Variants in DNAH11 observed in about 807,000 individuals in gnomAD.
DNAH11 encodes the protein axonemal beta dynein heavy chain 11.
DNAH11 carries 442 observed loss-of-function variants against 526.0 expected under a neutral mutation model. The ratio of observed to expected loss-of-function variants is 0.84; its 90% CI spans 0.78 to 0.91. The LOEUF is 0.91. DNAH11 is among the 40% of genes least tolerant of loss of function. The pLI is 0.00. For synonymous variants in DNAH11, 2,461 were observed against 1,935.9 expected, an observed-to-expected ratio of 1.27 and a Z score of -7.12; for missense variants, 6,989 against 5,448.7, an observed-to-expected ratio of 1.28 and a Z score of -8.90.
chr7:21,766,825 T>G (rs933376241), intron 55 of DNAH11, among the ~76,000 whole-genome samples: 1 of 152,150 alleles, frequency 6.6e-6, no homozygotes, highest in African/African-American at 2.4e-5. Flanking sequence ...AAATGTTTAT[T>G]AATCTAATTA....
intron 62 of DNAH11, among the ~76,000 whole-genome samples, chr7:21,805,868 G>A (rs909705917): frequency 1.3e-5 from 2 of 152,160 alleles, no homozygotes; most frequent in East Asian, 1.9e-4. Context: ...GACTAGAACA[G>A]GAGACAGTTA....
intron 55 of DNAH11, among the ~76,000 whole-genome samples, chr7:21,770,473 C>T (rs972510892): frequency 6.6e-6 from 1 of 152,124 alleles, no homozygotes; most frequent in South Asian, 2.1e-4. Context: ...TTCAGATTTT[C>T]AATTTTCAGA....
At chr7:21,721,256 A>C (rs1478203448) in intron 44 of DNAH11, among the ~76,000 whole-genome samples, 1 of 152,160 alleles carries the variant, frequency 6.6e-6, no homozygotes, top group African/African-American at 2.4e-5. Flanking sequence ...CGGTAGCTCC[A>C]GTTAAAAACG....
Position 21,735,699 on chromosome 7 carries a change from T to A in DNAH11, c.7500T>A (p.Leu2500=). ...TTAGATATTTCATGGAGTTGTTGCTTGAGAAAGGAAAACCTCTAATGCTAG... is the reference window on the plus strand; with the variant it reads ...TTAGATATTTCATGGAGTTGTTGCTAGAGAAAGGAAAACCTCTAATGCTAG... ...ARLRYFMELL[L]EKGKPLMLVG... is the part of the protein sequence containing the mutation. The change falls in exon 46 of 82, where the codon CTT becomes CTA. Residue 2500 remains leucine (L), a synonymous_variant. Transcript: ENST00000409508. The A allele has an allele frequency of 6.2e-7, 1 of 1,613,576 alleles. No homozygotes were observed. The highest frequency in any genetic ancestry group is 8.5e-7 in the Non-Finnish European group (1 of 1,179,694).
chr7:21,571,488 C>T (rs546823185), intron 7 of DNAH11, among the ~76,000 whole-genome samples: 1 of 151,978 alleles, frequency 6.6e-6, no homozygotes, highest in Non-Finnish European at 1.5e-5. Flanking sequence ...CCTTGTTGCC[C>T]AGGTTGGTTT....
chr7:21,707,616 C>T lies in DNAH11; in HGVS notation c.6547-83C>T, dbSNP rs72657347. On this transcript the variant is annotated intron_variant, in intron 39 of 81. Transcript: ENST00000409508. ...AGCATCTAGGAACATATAATGAATA[C>T]GGAAAACTCTTCAGAAATCTTTTAC... 3.8e-3 allele frequency: 5,646 copies of T among 1,491,190 alleles called. 41 individuals are homozygous for T. The Middle Eastern group carries it at 0.048, about 13-fold the overall frequency. The allele number at this position is 1,491,190 out of a possible 1,614,324, so 92.4% of individuals were successfully genotyped here.
intron 30 of DNAH11, among the ~76,000 whole-genome samples, chr7:21,678,552 A>G (rs2128471481): frequency 6.6e-6 from 1 of 152,080 alleles, no homozygotes. Flanking sequence ...TGGTGATTCC[A>G]TACAAATTTT....
chr7:21,860,925 C>T (rs781732411), intron 68 of DNAH11, among the ~76,000 whole-genome samples: 1 of 152,144 alleles, frequency 6.6e-6, no homozygotes, highest in Non-Finnish European at 1.5e-5. Flanking sequence ...ATAAAACCAT[C>T]AGATCTCATG....
chr7:21,719,173 A>C (rs974571406), intron 43 of DNAH11, among the ~76,000 whole-genome samples: 1 of 152,124 alleles, frequency 6.6e-6, no homozygotes, highest in African/African-American at 2.4e-5. Context: ...AGGGCATTTA[A>C]TTTTTAGCTC....
In DNAH11 at chr7:21,867,886, G is replaced by T. The variant is rs755196801; in HGVS notation, c.11718G>T (p.Ala3906=). The change falls in exon 72 of 82, where the codon GCG becomes GCT. Residue 3906 remains alanine (A), a synonymous_variant. Transcript: ENST00000409508. ...ATTTTGTAGAGGAAAAACTGGGTGC[G>T]AAGTATGTGGAGAGGACCAGATTGG... ...LRNFVEEKLG[A]KYVERTRLDL... is the part of the protein sequence containing the mutation. 2 of 1,578,298 alleles carry T rather than the reference G, an allele frequency of 1.3e-6. No individual in the cohort carries two copies. Among genetic ancestry groups the T allele is most frequent in the Non-Finnish European group, 1.7e-6 (2 of 1,160,764 alleles).
At chr7:21,858,005 A>G (rs1782917353) in intron 68 of DNAH11, among the ~76,000 whole-genome samples, 1 of 152,184 alleles carries the variant, frequency 6.6e-6, no homozygotes, top group Non-Finnish European at 1.5e-5. Context: ...AAGCAAAGAC[A>G]ATATTCTCAA....
chr7:21,665,279 T>C (rs892820589), intron 30 of DNAH11, among the ~76,000 whole-genome samples: 1 of 152,176 alleles, frequency 6.6e-6, no homozygotes, highest in African/African-American at 2.4e-5. Flanking sequence ...TTTAATATAT[T>C]GCAAGACCAC....
intron 25 of DNAH11, among the ~76,000 whole-genome samples, chr7:21,625,351 C>T (rs1466359942): frequency 6.6e-6 from 1 of 152,100 alleles, no homozygotes; most frequent in Non-Finnish European, 1.5e-5. Flanking sequence ...TCTGTCGTAT[C>T]AGTTGTAATA....
chr7:21,707,804 C>T lies in DNAH11; in HGVS notation c.6652C>T (p.His2218Tyr), dbSNP rs757932794. Residue 2218 changes from histidine (H) to tyrosine (Y), a missense_variant, in exon 40 of 82, where the codon CAT becomes TAT. Coordinates refer to ENST00000409508, the MANE Select transcript of DNAH11 (RefSeq NM_001277115.2). ...AACAGATGAACTCTTTGGTTTCATA[C>T]ATCATGCTACCCGAGAATGGAAAGA... ...VTTDELFGFI[H>Y]HATREWKDGK... 4.2e-5 allele frequency: 68 copies of T among 1,607,298 alleles called. No individual in the cohort carries two copies. The highest frequency in any genetic ancestry group is 5.2e-5 in the Non-Finnish European group (61 of 1,177,676).
At chr7:21,866,999 A>G (rs1425679967) in intron 71 of DNAH11, among the ~76,000 whole-genome samples, 2 of 152,214 alleles carry the variant, frequency 1.3e-5, no homozygotes, top group African/African-American at 4.8e-5. Context: ...TGTAATTTCC[A>G]TCGTTTTCTT....
In DNAH11 at chr7:21,702,781, T is replaced by A. The variant is rs780775531; in HGVS notation, c.6252T>A (p.Asp2084Glu). ...LVVAGSLKRG[D>E]KNRPEDQVLM... ...TGGCTGGATCTCTGAAACGAGGAGA[T>A]AAAAATAGACCCGAAGATCAGGTAC... The change falls in exon 37 of 82, where the codon GAT becomes GAA. Residue 2084 changes from aspartate (D) to glutamate (E), a missense_variant. Coordinates refer to ENST00000409508, the MANE Select transcript of DNAH11 (RefSeq NM_001277115.2). 1 of 1,613,316 alleles carries A rather than the reference T, an allele frequency of 6.2e-7. No homozygotes were observed. Among genetic ancestry groups the A allele is most frequent in the Non-Finnish European group, 8.5e-7 (1 of 1,179,644 alleles).
Position 21,900,893 on chromosome 7 carries a change from C to CA in DNAH11, c.13304-109dup. ...GCTCAGTAAAAATACCACTGACAAG[C>CA]AAAAATATGACAAAACCAGAATGTT... On this transcript the variant is annotated intron_variant, in intron 81 of 81. Transcript: ENST00000409508. 6.8e-6 allele frequency: 10 copies of CA among 1,470,622 alleles called. No homozygotes were observed. In the South Asian group the frequency reaches 1.3e-4, roughly 19 times the overall value. 91.1% of individuals were successfully genotyped at this position (1,470,622 alleles called of 1,614,324 possible).
intron 20 of DNAH11, among the ~76,000 whole-genome samples, chr7:21,611,901 A>G (rs1785536425): frequency 6.6e-6 from 1 of 152,242 alleles, no homozygotes; most frequent in South Asian, 2.1e-4. Context: ...CACTAACTCT[A>G]GTTATTTATA....
rs1453476547 is a variant in DNAH11 at position 21,626,298 on chromosome 7, A to C, written c.4500+6220A>C. 1.6e-4 allele frequency among the ~76,000 whole-genome samples: 25 copies of C among 152,182 alleles called. 1 individual carries two copies. The highest frequency in any genetic ancestry group is 1.6e-3 in the Admixed American group (25 of 15,282). Reference sequence around the variant, plus strand: ...TAGCTGCAAATGACATGATTTAATTATTAGTTTTATGGCTGAATAATATTC... The same window carrying C: ...TAGCTGCAAATGACATGATTTAATTCTTAGTTTTATGGCTGAATAATATTC... On this transcript the variant is annotated intron_variant, in intron 25 of 81. Coordinates refer to ENST00000409508, the MANE Select transcript of DNAH11 (RefSeq NM_001277115.2).
Sources: gnomAD v4.1 joint callset for allele counts (sites outside exome capture counted in the v4.1 genomes callset) on GRCh38, gnomAD v4.1.1 for gene constraint, MANE v1.5 for transcripts, NCBI Gene and HGNC (gene_info 2026-07-23, HGNC 2026-07-21) for gene names.